SERPINA11: variants seen among roughly 807,000 people sequenced by gnomAD.
SERPINA11 encodes the protein serpin family A member 11.
In SERPINA11, 28 loss-of-function variants were observed where a neutral mutation model predicts 29.4. The ratio of observed to expected loss-of-function variants is 0.95; its 90% CI spans 0.70 to 1.30. SERPINA11 has a LOEUF of 1.30. Among genes scored for constraint, SERPINA11 ranks in the 50% most tolerant of loss-of-function variants. SERPINA11 has a pLI of 0.00. For missense variants in SERPINA11, 530 were observed against 507.3 expected (o/e 1.04, Z -0.43); for synonymous variants, 253 against 206.6 (o/e 1.22, Z -1.92).
chr14:94,444,906 C>T (rs1898408191), intron 3 of SERPINA11, among the ~76,000 whole-genome samples: 1 of 152,228 alleles, frequency 6.6e-6, no homozygotes, highest in Non-Finnish European at 1.5e-5. Flanking sequence ...CCCATTGGCT[C>T]TGCCACCAAT....
chr14:94,443,277 C>T (rs763393193), intron 3 of SERPINA11, 52 bp from the exon 4 acceptor site: 2 of 1,562,756 alleles, frequency 1.3e-6, no homozygotes, highest in Non-Finnish European at 1.7e-6. Flanking sequence ...ATATGTGCCA[C>T]TCCTGCTCTG....
At chr14:94,444,368 A>G (rs1236634218) in intron 3 of SERPINA11, among the ~76,000 whole-genome samples, 2 of 150,434 alleles carry the variant, frequency 1.3e-5, no homozygotes, top group East Asian at 3.9e-4. Flanking sequence ...GCCCCTAAAA[A>G]TGGATACTAA....
intron 1 of SERPINA11, among the ~76,000 whole-genome samples, chr14:94,449,312 G>C (rs954620525): frequency 6.6e-6 from 1 of 152,124 alleles, no homozygotes; most frequent in Non-Finnish European, 1.5e-5. Flanking sequence ...CTCCAGCCTG[G>C]ATGACAGAGT....
At chr14:94,450,894 C>G (rs1343488172) in intron 1 of SERPINA11, among the ~76,000 whole-genome samples, 1 of 152,104 alleles carries the variant, frequency 6.6e-6, no homozygotes, top group Non-Finnish European at 1.5e-5. Flanking sequence ...GACCCTACAC[C>G]CATCTTCAGG....
intron 3 of SERPINA11, among the ~76,000 whole-genome samples, chr14:94,446,079 C>T (rs1205487091): frequency 6.6e-6 from 1 of 152,142 alleles, no homozygotes; most frequent in East Asian, 1.9e-4. Context: ...ACGTACCAGT[C>T]TAAGTTCTAC....
rs1898378716 is a variant in SERPINA11, at chr14:94,443,302, G to A, written c.918-77C>T. 7.8e-6 allele frequency: 11 copies of A among 1,415,004 alleles called. No homozygotes were observed. The South Asian group carries it at 1.5e-4, about 19-fold the overall frequency. The allele number at this position is 1,415,004 out of a possible 1,614,324, so 87.7% of individuals were successfully genotyped here. ...CTCCTGCTCTGTCTGTCGGCAGCCT[G>A]AGCCATGGGAGAGAGGCATTTCCCA... is the stretch of plus-strand genomic sequence containing the variant. On this transcript the variant is annotated intron_variant, in intron 3 of 4. Coordinates refer to ENST00000334708, the MANE Select transcript of SERPINA11 (RefSeq NM_001080451.2).
At chr14:94,450,601 C>A (rs796208248) in intron 1 of SERPINA11, among the ~76,000 whole-genome samples, 18 of 152,284 alleles carry the variant, frequency 1.2e-4, no homozygotes, top group African/African-American at 4.3e-4. Context: ...AACTGTGAGT[C>A]AAAAATTTCT....
intron 1 of SERPINA11, among the ~76,000 whole-genome samples, chr14:94,450,546 G>C (rs1207357862): frequency 1.3e-5 from 2 of 152,260 alleles, no homozygotes; most frequent in East Asian, 3.9e-4. Context: ...GCCTCAGAAG[G>C]CACCAACCCT....
chr14:94,443,022 G>A (rs1454996480), intron 4 of SERPINA11, 56 bp downstream of exon 4: 19 of 1,555,482 alleles, frequency 1.2e-5, no homozygotes, highest in Non-Finnish European at 1.6e-5. Flanking sequence ...CATGCCAAAG[G>A]AGAAACCTCC....
chr14:94,452,139 T>C (rs1371436003), intron 1 of SERPINA11, among the ~76,000 whole-genome samples: 1 of 152,136 alleles, frequency 6.6e-6, no homozygotes, highest in Non-Finnish European at 1.5e-5. Flanking sequence ...CCCAGAATAG[T>C]CACATTCAAT....
intron 1 of SERPINA11, among the ~76,000 whole-genome samples, chr14:94,451,872 T>A (rs571861927): frequency 1.3e-5 from 2 of 152,358 alleles, no homozygotes; most frequent in Non-Finnish European, 2.9e-5. Context: ...CCCAATTCAT[T>A]TCTTAATTCC....
Position 94,442,526 on chromosome 14 carries a change from C to A in SERPINA11, c.*80G>T, listed in dbSNP as rs1898360080. 7.0e-6 allele frequency: 7 copies of A among 1,006,120 alleles called. No individual in the cohort carries two copies. The South Asian group carries it at 1.1e-4, about 16-fold the overall frequency. 62.3% of individuals were successfully genotyped at this position (1,006,120 alleles called of 1,614,324 possible). Reference sequence around the variant, plus strand: ...CACACTGATTAACTGAACCACATAGCAGCCCCAGGATGCAGGCTGGTTCTG... The same window carrying A: ...CACACTGATTAACTGAACCACATAGAAGCCCCAGGATGCAGGCTGGTTCTG... On this transcript the variant is annotated 3_prime_UTR_variant, in exon 5 of 5. Coordinates refer to ENST00000334708, the MANE Select transcript of SERPINA11 (RefSeq NM_001080451.2).
rs1386356681 is a variant in SERPINA11, at chr14:94,446,621, C to G, written c.644-17G>C. On this transcript the variant is annotated splice_polypyrimidine_tract_variant and intron_variant, in intron 2 of 4. Transcript: ENST00000334708. ...TCCACTTGGCTTAGGACACAAAACC[C>G]ATAAGGCCATGAGAACTCTTTTCAA... is the stretch of plus-strand genomic sequence containing the variant. 5.0e-6 allele frequency: 8 copies of G among 1,605,068 alleles called. No homozygotes were observed. Among genetic ancestry groups the G allele is most frequent in the Non-Finnish European group, 6.8e-6 (8 of 1,176,036 alleles).
intron 1 of SERPINA11, among the ~76,000 whole-genome samples, chr14:94,451,231 G>A (rs557134146): frequency 5.3e-5 from 8 of 152,304 alleles, no homozygotes; most frequent in South Asian, 2.1e-4. Context: ...CCTGCCAAAC[G>A]ACAAAGGCCA....
In SERPINA11 at chr14:94,446,576, G is replaced by A. The variant is rs775643756; in HGVS notation, c.672C>T (p.Tyr224=). The change falls in exon 3 of 5, where the codon TAC becomes TAT. Residue 224 remains tyrosine (Y), a synonymous_variant. Coordinates refer to ENST00000334708, the MANE Select transcript of SERPINA11 (RefSeq NM_001080451.2). ...AGAAACTTTCCTGCTTCTGGGTCTGGTAGCGACTGAAAGGGTGCTTCCACT... is the reference window on the plus strand; with the variant it reads ...AGAAACTTTCCTGCTTCTGGGTCTGATAGCGACTGAAAGGGTGCTTCCACT... ...KAKWKHPFSR[Y]QTQKQESFFV... The A allele has an allele frequency of 8.1e-6, 13 of 1,614,010 alleles. No homozygotes were observed. Among genetic ancestry groups the A allele is most frequent in the African/African-American group, 5.3e-5 (4 of 74,910 alleles).
At chr14:94,447,145 A>C (rs921449500) in intron 2 of SERPINA11, among the ~76,000 whole-genome samples, 5 of 152,346 alleles carry the variant, frequency 3.3e-5, no homozygotes, top group African/African-American at 9.6e-5. Flanking sequence ...CCTAATCTTC[A>C]AACTGAAAAA....
chr14:94,451,039 G>A lies in SERPINA11; in HGVS notation c.-4+1690C>T, dbSNP rs1309717268. Among the ~76,000 whole-genome samples, 5 of 152,260 alleles carry A rather than the reference G, an allele frequency of 3.3e-5. No homozygotes were observed. In the East Asian group the frequency reaches 5.8e-4, roughly 18 times the overall value. On this transcript the variant is annotated intron_variant, in intron 1 of 4. Coordinates refer to ENST00000334708, the MANE Select transcript of SERPINA11 (RefSeq NM_001080451.2). The stretch of plus-strand genomic sequence containing the variant: ...GTTCCATTCATTGCGCAGCAGCTGT[G>A]CACTGCTGACCACCTCTATCACTCC...
Position 94,451,767 on chromosome 14 carries a change from G to A in SERPINA11, c.-4+962C>T, listed in dbSNP as rs75614259. On this transcript the variant is annotated intron_variant, in intron 1 of 4. Transcript: ENST00000334708. ...CACCTCCTGGGTGTGGGGCCATTTC[G>A]GGATTATATGACAGTCAAAGTACAA... 1.1e-3 allele frequency among the ~76,000 whole-genome samples: 168 copies of A among 152,226 alleles called. 1 individual carries two copies. The highest frequency in any genetic ancestry group is 3.9e-3 in the African/African-American group (163 of 41,512).
At position 94,451,530 on chromosome 14, in the gene SERPINA11, T is replaced by C. The variant is rs1396188370; in HGVS notation, c.-4+1199A>G. Reference sequence around the variant, plus strand: ...TGTAATGAAACTATTTCTGGTTTATTCTTTTTATCCCATTGAACTCAGCAC... The same window carrying C: ...TGTAATGAAACTATTTCTGGTTTATCCTTTTTATCCCATTGAACTCAGCAC... On this transcript the variant is annotated intron_variant, in intron 1 of 4. Coordinates refer to ENST00000334708, the MANE Select transcript of SERPINA11 (RefSeq NM_001080451.2). Among the ~76,000 whole-genome samples the C allele has an allele frequency of 2.0e-5, 3 of 152,250 alleles. No homozygotes were observed. The East Asian group carries it at 5.8e-4, about 29-fold the overall frequency.
Sources: gnomAD v4.1 joint callset for allele counts (sites outside exome capture counted in the v4.1 genomes callset) on GRCh38, gnomAD v4.1.1 for gene constraint, MANE v1.5 for transcripts, NCBI Gene and HGNC (gene_info 2026-07-23, HGNC 2026-07-21) for gene names.